Variants in EXOC3L2 observed in about 807,000 individuals in gnomAD.
EXOC3L2 encodes exocyst complex component 3-like protein 2.
In EXOC3L2, 17 loss-of-function variants were observed where a neutral mutation model predicts 44.4. That is an observed-to-expected ratio of 0.38 (90% confidence interval 0.26 to 0.57). The LOEUF (loss-of-function observed/expected upper bound fraction) is 0.57. Among genes scored for constraint, EXOC3L2 ranks in the 20% least tolerant of loss-of-function variants. The pLI, the probability that EXOC3L2 is intolerant of heterozygous loss-of-function variation, is 0.65. For missense variants in EXOC3L2, 541 were observed against 588.4 expected, an observed-to-expected ratio of 0.92 and a Z score of 0.83; for synonymous variants, 256 against 253.7, an observed-to-expected ratio of 1.01 and a Z score of -0.09.
chr19:45,235,325 G>C (rs1970073192), intron 2 of EXOC3L2, among the ~76,000 whole-genome samples: 1 of 152,004 alleles, frequency 6.6e-6, no homozygotes, highest in Non-Finnish European at 1.5e-5. Flanking sequence ...AAAAGAGAGA[G>C]GGGGAAAAGA....
Position 45,213,486 on chromosome 19 carries a change from C to G in EXOC3L2, c.2121-129G>C, listed in dbSNP as rs984402858. ...GCCTGAGTTCTGGGGCCTCTGTGTC[C>G]CCTCCAGAGCCTTCCCTCCAATCAG... is the stretch of plus-strand genomic sequence containing the variant. On this transcript the variant is annotated intron_variant, in intron 11 of 11. Coordinates refer to ENST00000413988, the MANE Select transcript of EXOC3L2 (RefSeq NM_001382422.1). The G allele has an allele frequency of 2.7e-4, 279 of 1,043,998 alleles. 2 individuals carry two copies. Among genetic ancestry groups the G allele is most frequent in the Admixed American group, 1.1e-4 (4 of 36,244 alleles). 64.7% of individuals were successfully genotyped at this position (1,043,998 alleles called of 1,614,324 possible).
chr19:45,213,034 A>C lies in EXOC3L2; in HGVS notation c.*35T>G. The C allele has an allele frequency of 6.2e-6, 9 of 1,454,174 alleles. No individual in the cohort carries two copies. Among genetic ancestry groups the C allele is most frequent in the Non-Finnish European group, 8.1e-6 (9 of 1,108,798 alleles). 90.1% of individuals were successfully genotyped at this position (1,454,174 alleles called of 1,614,324 possible). A position where few individuals can be genotyped will look rare whatever the true frequency, so the allele number is the denominator to read the frequency against. ...CGGGAGGTTGGCTTGTCAGCAGCAT[A>C]GATGGGGTCACTAAGGCCGGCGGTT... On this transcript the variant is annotated 3_prime_UTR_variant, in exon 12 of 12. Coordinates refer to ENST00000413988, the MANE Select transcript of EXOC3L2 (RefSeq NM_001382422.1).
In EXOC3L2 at chr19:45,217,521, C is replaced by G; in HGVS notation, c.1998+7G>C. ...TGAAACACCCCCAACCGCGTCCCGA[C>G]ACTGACCAGCCGCCGGAACAGCCTC... is the stretch of plus-strand genomic sequence containing the variant. On this transcript the variant is annotated splice_region_variant and intron_variant, in intron 10 of 11. Coordinates refer to ENST00000413988, the MANE Select transcript of EXOC3L2 (RefSeq NM_001382422.1). 6.4e-7 allele frequency: 1 copy of G among 1,574,198 alleles called. No individual in the cohort carries two copies. Among genetic ancestry groups the G allele is most frequent in the Non-Finnish European group, 8.6e-7 (1 of 1,167,704 alleles).
At chr19:45,214,546 C>A (rs746206684) in intron 11 of EXOC3L2, among the ~76,000 whole-genome samples, 4 of 151,992 alleles carry the variant, frequency 2.6e-5, no homozygotes, top group Non-Finnish European at 2.9e-5. Context: ...CTCACTGCAA[C>A]CTCCGCCTCC....
chr19:45,218,539 TGGGACTCG>T (rs1969863776), intron 8 of EXOC3L2, among the ~76,000 whole-genome samples: 1 of 151,976 alleles, frequency 6.6e-6, no homozygotes, highest in African/African-American at 2.4e-5. Flanking sequence ...CTGGCAAGGC[TGGGACTCG>T]GGAACCCAGG....
chr19:45,243,981 T>C (rs1970150154), intron 1 of EXOC3L2, among the ~76,000 whole-genome samples: 1 of 151,974 alleles, frequency 6.6e-6, no homozygotes, highest in Admixed American at 6.6e-5. Context: ...TGGAGTGCAG[T>C]GGCATGGTCT....
At chr19:45,237,810 T>C (rs561866305) in intron 2 of EXOC3L2, among the ~76,000 whole-genome samples, 4 of 152,272 alleles carry the variant, frequency 2.6e-5, no homozygotes, top group East Asian at 3.9e-4. Context: ...AGTGAGATCA[T>C]AGGGCAGACC....
chr19:45,224,263 TGG>T (rs968483064), intron 8 of EXOC3L2, among the ~76,000 whole-genome samples: 1 of 151,596 alleles, frequency 6.6e-6, no homozygotes, highest in Non-Finnish European at 1.5e-5. Flanking sequence ...GGGGCTACAG[TGG>T]GATTTTGGCA....
At chr19:45,245,004 A>T (rs138438836) in intron 1 of EXOC3L2, among the ~76,000 whole-genome samples, 78 of 151,844 alleles carry the variant, frequency 5.1e-4, no homozygotes, top group Non-Finnish European at 8.4e-4. Context: ...TCCTGGCCTC[A>T]GTCTTCCCGC....
At chr19:45,232,301 C>G (rs1014543478) in intron 3 of EXOC3L2, among the ~76,000 whole-genome samples, 6 of 152,110 alleles carry the variant, frequency 3.9e-5, no homozygotes, top group African/African-American at 1.4e-4. Flanking sequence ...ATATCCACCC[C>G]CAAACACCCC....
At position 45,235,373 on chromosome 19, in the gene EXOC3L2, GC is replaced by G. The variant is rs367621325; in HGVS notation, c.524-548del. On this transcript the variant is annotated intron_variant, in intron 2 of 11. Coordinates refer to ENST00000413988, the MANE Select transcript of EXOC3L2 (RefSeq NM_001382422.1). ...ACTGAGGAGGGGATCTGGGGAGGTT[GC>G]AGGGCGGAAAAATGGAGGAGGGGTC... Among the ~76,000 whole-genome samples, 1,114 of 152,202 alleles carry G rather than the reference GC, an allele frequency of 7.3e-3. 13 individuals carry two copies. The highest frequency in any genetic ancestry group is 0.025 in the African/African-American group (1,051 of 41,524).
chr19:45,221,050 G>A (rs543865502), intron 8 of EXOC3L2, among the ~76,000 whole-genome samples: 3 of 151,212 alleles, frequency 2.0e-5, no homozygotes, highest in South Asian at 2.1e-4. Context: ...GGGGAGGGTC[G>A]GGGGAGAGGC....
intron 7 of EXOC3L2, 111 bp from the exon 8 acceptor site, chr19:45,225,024 G>T: frequency 1.0e-5 from 13 of 1,293,664 alleles, no homozygotes; most frequent in Non-Finnish European, 1.3e-5. Context: ...CAGGTCAGAT[G>T]GGGGGCTGAG....
rs531421726 is a variant in EXOC3L2, at chr19:45,231,885, G to C, written c.1158-11C>G. ...AGCCCTAGGACCTCTCTGGGGATGG[G>C]GGTGAGAGAAAAGGAGGTCTGTGAA... On this transcript the variant is annotated splice_polypyrimidine_tract_variant and intron_variant, in intron 3 of 11. Transcript: ENST00000413988. The C allele has an allele frequency of 6.4e-6, 10 of 1,563,660 alleles. No homozygotes were observed. The highest frequency in any genetic ancestry group is 7.9e-6 in the Non-Finnish European group (9 of 1,140,890).
At chr19:45,222,201 CTT>C (rs60929770) in intron 8 of EXOC3L2, among the ~76,000 whole-genome samples, 18 of 137,178 alleles carry the variant, frequency 1.3e-4, no homozygotes, top group Non-Finnish European at 1.3e-4. Context: ...TTTTTCTCTC[CTT>C]TTTTTTTTTT....
chr19:45,239,856 C>G (rs1033471407), intron 1 of EXOC3L2, among the ~76,000 whole-genome samples: 1 of 152,016 alleles, frequency 6.6e-6, no homozygotes, highest in South Asian at 2.1e-4. Flanking sequence ...CCTCCTACTC[C>G]GTGGAGAAAC....
At chr19:45,244,351 G>T (rs1970153143) in intron 1 of EXOC3L2, among the ~76,000 whole-genome samples, 1 of 151,794 alleles carries the variant, frequency 6.6e-6, no homozygotes, top group South Asian at 2.1e-4. Context: ...CCCTCCAATT[G>T]AAGTCAACCT....
chr19:45,228,810 G>A (rs1181420886), intron 4 of EXOC3L2, among the ~76,000 whole-genome samples: 2 of 149,562 alleles, frequency 1.3e-5, no homozygotes, highest in Non-Finnish European at 1.5e-5. Context: ...GGTGGCTCAC[G>A]CCTGTAATCC....
Position 45,234,103 on chromosome 19 carries a change from T to A in EXOC3L2, c.1157+90A>T. 1 of 375,664 alleles carries A rather than the reference T, an allele frequency of 2.7e-6. No individual in the cohort carries two copies. Among genetic ancestry groups the A allele is most frequent in the East Asian group, 3.8e-5 (1 of 26,074 alleles). The allele number at this position is 375,664 out of a possible 1,614,324, so 23.3% of individuals were successfully genotyped here. A position where few individuals can be genotyped will look rare whatever the true frequency, so the allele number is the denominator to read the frequency against. ...AAAGTGCTAGGACTGTAGGGTCAGC[T>A]GTCCCAAGGTCCTTAAGGTCTGAAG... On this transcript the variant is annotated intron_variant, in intron 3 of 11. Transcript: ENST00000413988. This position sits in a 1 kb window ranked among gnomAD's most constrained non-coding sequence, Gnocchi z 5.0.
Sources: gnomAD v4.1 joint callset for allele counts (sites outside exome capture counted in the v4.1 genomes callset) on GRCh38, gnomAD v4.1.1 for gene constraint, Gnocchi (gnomAD v3.1) non-coding constraint, MANE v1.5 for transcripts, NCBI Gene and HGNC (gene_info 2026-07-23, HGNC 2026-07-21) for gene names.